Variants in GNPTAB observed in about 807,000 individuals in gnomAD.
The protein encoded by GNPTAB is N-acetylglucosamine-1-phosphotransferase subunits alpha/beta.
In GNPTAB, 92 loss-of-function variants were observed where a neutral mutation model predicts 136.6. The ratio of observed to expected loss-of-function variants is 0.67; its 90% CI spans 0.57 to 0.80. The LOEUF is 0.80. Among genes scored for constraint, GNPTAB ranks in the 30% least tolerant of loss-of-function variants. The probability of loss-of-function intolerance (pLI) is 0.00; values close to 1 mark genes in which losing one functional copy is unlikely to be tolerated. For missense variants in GNPTAB, 1,343 were observed against 1,501.8 expected (o/e 0.89, Z 1.75); for synonymous variants, 512 against 535.1 (o/e 0.96, Z 0.60).
intron 3 of GNPTAB, among the ~76,000 whole-genome samples, chr12:101,789,597 G>A (rs765377060): frequency 2.8e-4 from 42 of 152,044 alleles, no homozygotes; most frequent in Non-Finnish European, 5.3e-4. Flanking sequence ...TGATTCTCCC[G>A]CCTTAGCCTC....
chr12:101,759,137 G>C (rs558545508), intron 16 of GNPTAB, among the ~76,000 whole-genome samples: 1 of 152,240 alleles, frequency 6.6e-6, no homozygotes, highest in South Asian at 2.1e-4. Context: ...GCTAAGGCAG[G>C]CGTATCACAA....
intron 5 of GNPTAB, among the ~76,000 whole-genome samples, chr12:101,781,654 A>G (rs1237760239): frequency 6.6e-6 from 1 of 152,192 alleles, no homozygotes; most frequent in African/African-American, 2.4e-5. Context: ...ACTGCACTCT[A>G]GCCTGGGTGA....
intron 1 of GNPTAB, among the ~76,000 whole-genome samples, chr12:101,817,659 A>G (rs560144073): frequency 6.6e-6 from 1 of 152,246 alleles, no homozygotes; most frequent in South Asian, 2.1e-4. Context: ...TTAAAAATTA[A>G]AGTAATTAAT....
intron 13 of GNPTAB, 52 bp from the exon 14 acceptor site, chr12:101,761,815 T>C: frequency 2.3e-6 from 3 of 1,277,682 alleles, no homozygotes; most frequent in South Asian, 1.2e-5. Context: ...TGCACAAGTG[T>C]ACTTTGTTAC....
At chr12:101,783,156 A>G (rs1198283820) in intron 5 of GNPTAB, among the ~76,000 whole-genome samples, 1 of 151,772 alleles carries the variant, frequency 6.6e-6, no homozygotes, top group Admixed American at 6.6e-5. Context: ...AAGGGTAGAG[A>G]TTTTTGCCCA....
intron 1 of GNPTAB, among the ~76,000 whole-genome samples, chr12:101,830,004 CAAAA>C (rs35884808): frequency 2.8e-5 from 3 of 106,132 alleles, no homozygotes; most frequent in Non-Finnish European, 2.0e-5. Flanking sequence ...AACCTCCTAC[CAAAA>C]AAAAAAAAAA....
intron 18 of GNPTAB, among the ~76,000 whole-genome samples, chr12:101,754,787 T>G (rs1305222202): frequency 6.6e-6 from 1 of 151,624 alleles, no homozygotes; most frequent in African/African-American, 2.4e-5. Context: ...CAGATCCAAC[T>G]ACCAATTTAT....
intron 1 of GNPTAB, among the ~76,000 whole-genome samples, chr12:101,813,676 T>C (rs1457291286): frequency 6.6e-6 from 1 of 152,220 alleles, no homozygotes; most frequent in Admixed American, 6.5e-5. Flanking sequence ...TCAAACTTTT[T>C]GGTCTCAGGA....
chr12:101,783,233 C>G (rs1331908661), intron 5 of GNPTAB, among the ~76,000 whole-genome samples: 1 of 151,964 alleles, frequency 6.6e-6, no homozygotes, highest in Non-Finnish European at 1.5e-5. Flanking sequence ...TTAATAAGCA[C>G]TCATTAAACA....
intron 10 of GNPTAB, 21 bp downstream of exon 10, chr12:101,770,000 C>T (rs1953146867): frequency 1.2e-6 from 2 of 1,611,300 alleles, no homozygotes; most frequent in Non-Finnish European, 1.7e-6. Context: ...CTAGACAACC[C>T]CCCTCCTCTT....
chr12:101,759,094 T>G (rs1952948745), intron 16 of GNPTAB, among the ~76,000 whole-genome samples: 1 of 152,182 alleles, frequency 6.6e-6, no homozygotes, highest in Admixed American at 6.6e-5. Context: ...CTGGGTGCAG[T>G]GGCTCACGCC....
intron 1 of GNPTAB, among the ~76,000 whole-genome samples, chr12:101,819,697 C>T (rs1870702066): frequency 6.6e-6 from 1 of 152,140 alleles, no homozygotes; most frequent in East Asian, 1.9e-4. Flanking sequence ...AGTATGCATA[C>T]GAATCACACA....
chr12:101,798,534 A>G (rs950132131), intron 1 of GNPTAB, among the ~76,000 whole-genome samples: 4 of 152,230 alleles, frequency 2.6e-5, no homozygotes, highest in Non-Finnish European at 5.9e-5. Flanking sequence ...ACACAAATCT[A>G]TTATATTATA....
chr12:101,792,966 G>A (rs1418236017), intron 2 of GNPTAB, among the ~76,000 whole-genome samples: 2 of 152,032 alleles, frequency 1.3e-5, no homozygotes, highest in Admixed American at 6.6e-5. Flanking sequence ...AAGCTCTCAG[G>A]TAATGCTGAT....
At chr12:101,747,710 T>C (rs1202223837) in intron 20 of GNPTAB, among the ~76,000 whole-genome samples, 1 of 53,204 alleles carries the variant, frequency 1.9e-5, no homozygotes, top group Non-Finnish European at 3.4e-5. Flanking sequence ...ACGGTTTGAA[T>C]GATGAGCTGG....
intron 4 of GNPTAB, among the ~76,000 whole-genome samples, chr12:101,787,963 T>C (rs1190287717): frequency 6.6e-6 from 1 of 151,148 alleles, no homozygotes; most frequent in Non-Finnish European, 1.5e-5. Context: ...CTCAGGATCT[T>C]CTCTATCAAT....
intron 1 of GNPTAB, among the ~76,000 whole-genome samples, chr12:101,822,270 G>A (rs1258959394): frequency 1.3e-5 from 2 of 152,134 alleles, no homozygotes; most frequent in Admixed American, 6.6e-5. Context: ...AAAATTAGCC[G>A]GGTGAGGTGG....
chr12:101,786,159 C>G lies in GNPTAB; in HGVS notation c.424G>C (p.Asp142His), dbSNP rs758080241. The change falls in exon 5 of 21, where the codon GAC becomes CAC. Residue 142 changes from aspartate to histidine, a missense_variant. By Grantham distance (81) the Asp-to-His change is moderately conservative. Coordinates refer to ENST00000299314, the MANE Select transcript of GNPTAB (RefSeq NM_024312.5). ...GTGATGTTGGCTGGCAGGGCTGGGT[C>G]CAGGACAAGCATTGGCACCTTAATG... Reference protein sequence around the residue: ...HCIKVPMLVLDPALPANITLK... With the variant: ...HCIKVPMLVLHPALPANITLK... The G allele has an allele frequency of 6.2e-7, 1 of 1,613,936 alleles. No homozygotes were observed. Among genetic ancestry groups the G allele is most frequent in the South Asian group, 1.1e-5 (1 of 91,064 alleles).
intron 3 of GNPTAB, 62 bp from the exon 4 acceptor site, chr12:101,788,651 C>G: frequency 1.2e-6 from 1 of 868,762 alleles, no homozygotes; most frequent in Non-Finnish European, 2.0e-6. Flanking sequence ...CCACTGTAAC[C>G]AAGACGGTTT....
Sources: allele counts gnomAD v4.1 joint callset (sites outside exome capture counted in the v4.1 genomes callset), GRCh38; gene constraint gnomAD v4.1.1; transcripts MANE v1.5; gene names NCBI Gene and HGNC (gene_info 2026-07-23, HGNC 2026-07-21).